Variants in CLIP1 observed in about 807,000 individuals in gnomAD.
The protein encoded by CLIP1 is CAP-Gly domain-containing linker protein 1.
In CLIP1, 66 loss-of-function variants were observed where a neutral mutation model predicts 161.6. That is an observed-to-expected ratio of 0.41 (90% CI 0.33 to 0.50). The LOEUF (loss-of-function observed/expected upper bound fraction) is 0.50, where lower values mean the gene tolerates loss of function less well. Ranked by LOEUF, CLIP1 falls within the 20% of genes least tolerant of loss-of-function variation. CLIP1 has a pLI of 0.27. For missense variants in CLIP1, 1,376 were observed against 1,702.0 expected (o/e 0.81, Z 3.37); for synonymous variants, 598 against 626.2 (o/e 0.96, Z 0.67).
chr12:122,393,722 G>A (rs1488824455), intron 1 of CLIP1, among the ~76,000 whole-genome samples: 2 of 151,778 alleles, frequency 1.3e-5, no homozygotes, highest in African/African-American at 4.8e-5. Context: ...GACCAGCCTG[G>A]ACAACAAGGT....
intron 25 of CLIP1, 134 bp downstream of exon 25, chr12:122,273,903 TG>T: frequency 1.5e-6 from 1 of 667,708 alleles, no homozygotes; most frequent in Non-Finnish European, 2.5e-6. Context: ...GGCTAACTTT[TG>T]TATTTTTAGT....
At chr12:122,305,808 C>T (rs1175560170) in intron 20 of CLIP1, among the ~76,000 whole-genome samples, 1 of 152,042 alleles carries the variant, frequency 6.6e-6, no homozygotes, top group Non-Finnish European at 1.5e-5. Flanking sequence ...TGGCTCATGC[C>T]TGTAATCCCA....
chr12:122,414,121 T>C (rs1956642062), intron 1 of CLIP1, among the ~76,000 whole-genome samples: 1 of 152,058 alleles, frequency 6.6e-6, no homozygotes, highest in South Asian at 2.1e-4. Context: ...TGTACTTTGG[T>C]TTTGGGGGTT....
intron 15 of CLIP1, among the ~76,000 whole-genome samples, chr12:122,330,585 A>G (rs1264182540): frequency 1.4e-5 from 2 of 138,528 alleles, no homozygotes; most frequent in Non-Finnish European, 3.0e-5. Context: ...AGCACTGAAG[A>G]AGTATAATGC....
rs1244330778 is a variant in CLIP1 at position 122,361,037 on chromosome 12, G to A, written c.927C>T (p.Arg309=). The A allele has an allele frequency of 6.2e-7, 1 of 1,614,242 alleles. No individual in the cohort carries two copies. Among genetic ancestry groups the A allele is most frequent in the Non-Finnish European group, 8.5e-7 (1 of 1,180,042 alleles). ...AGCTGAGGGAAGAGGCAGAAGGGCT[G>A]CGCTTCAGGCTGGCGGACGTGGTCG... The part of the protein sequence containing the change: ...VMATTSASLK[R]SPSASSLSSM... Residue 309 remains arginine, a synonymous_variant, in exon 5 of 26, where the codon CGC becomes CGT. Transcript: ENST00000620786.
chr12:122,302,263 G>A (rs1950711586), intron 20 of CLIP1, among the ~76,000 whole-genome samples: 1 of 151,996 alleles, frequency 6.6e-6, no homozygotes, highest in Non-Finnish European at 1.5e-5. Context: ...ACCATGCCTG[G>A]CTATTTTTTT....
chr12:122,319,896 G>A (rs1167909322), intron 17 of CLIP1, among the ~76,000 whole-genome samples: 1 of 152,092 alleles, frequency 6.6e-6, no homozygotes, highest in African/African-American at 2.4e-5. Flanking sequence ...GCAAGTTGTG[G>A]GTAATGAATA....
At chr12:122,335,746 G>T (rs1283438563) in intron 12 of CLIP1, among the ~76,000 whole-genome samples, 1 of 151,822 alleles carries the variant, frequency 6.6e-6, no homozygotes, top group Non-Finnish European at 1.5e-5. Flanking sequence ...GGCAGAGGCT[G>T]CAGTGAGCCG....
intron 20 of CLIP1, among the ~76,000 whole-genome samples, chr12:122,296,880 A>C (rs1950491155): frequency 1.3e-5 from 2 of 151,878 alleles, no homozygotes; most frequent in South Asian, 2.1e-4. Context: ...AAAAAAAAAA[A>C]AAACATGCAG....
intron 25 of CLIP1, 107 bp downstream of exon 25, chr12:122,273,931 C>T (rs1056846692): frequency 4.8e-6 from 4 of 840,600 alleles, no homozygotes; most frequent in South Asian, 1.6e-5. Flanking sequence ...GAGGTTTCAT[C>T]GTGTTGGCCA....
At chr12:122,296,765 G>T (rs1028875176) in intron 20 of CLIP1, among the ~76,000 whole-genome samples, 4 of 151,158 alleles carry the variant, frequency 2.6e-5, no homozygotes, top group African/African-American at 9.7e-5. Flanking sequence ...TCAGGAAGCT[G>T]AGGCAGGAGG....
chr12:122,313,311 A>G (rs1277899781), intron 19 of CLIP1, among the ~76,000 whole-genome samples: 1 of 152,146 alleles, frequency 6.6e-6, no homozygotes, highest in African/African-American at 2.4e-5. Flanking sequence ...AGGTCTGGGG[A>G]GTACAGCACC....
intron 1 of CLIP1, among the ~76,000 whole-genome samples, chr12:122,395,189 G>A (rs754179138): frequency 6.6e-6 from 1 of 152,118 alleles, no homozygotes; most frequent in Non-Finnish European, 1.5e-5. Flanking sequence ...GACTAATCAC[G>A]TACACACAGT....
intron 19 of CLIP1, among the ~76,000 whole-genome samples, chr12:122,314,000 T>C (rs1243423633): frequency 6.6e-6 from 1 of 151,014 alleles, no homozygotes; most frequent in East Asian, 1.9e-4. Context: ...CTACTAAAAA[T>C]ACAAAAAAAT....
At chr12:122,422,760 C>G (rs1467206863), upstream of CLIP1, 1 of 120,732 alleles carries the variant, frequency 8.3e-6, no homozygotes, top group Non-Finnish European at 1.9e-5. Context: ...GAGTCCGCAC[C>G]GGCCCTGCGG....
At chr12:122,372,799 A>C (rs972853532) in intron 3 of CLIP1, among the ~76,000 whole-genome samples, 11 of 152,092 alleles carry the variant, frequency 7.2e-5, no homozygotes, top group African/African-American at 2.7e-4. Flanking sequence ...TAACTACTCC[A>C]TCAGCAATCT....
At chr12:122,384,256 T>C (rs921837230) in intron 1 of CLIP1, among the ~76,000 whole-genome samples, 6 of 152,152 alleles carry the variant, frequency 3.9e-5, no homozygotes, top group African/African-American at 1.4e-4. Context: ...ACTTAGGAGA[T>C]AGCACTCATC....
intron 1 of CLIP1, among the ~76,000 whole-genome samples, chr12:122,403,523 CTGTT>C (rs1224660131): frequency 4.3e-4 from 19 of 44,530 alleles, no homozygotes; most frequent in Admixed American, 3.6e-3. Context: ...TTTTTTTGGT[CTGTT>C]TGTTTTTTTG....
At chr12:122,338,522 C>A (rs981789783) in intron 11 of CLIP1, among the ~76,000 whole-genome samples, 2 of 151,770 alleles carry the variant, frequency 1.3e-5, no homozygotes, top group African/African-American at 2.4e-5. Flanking sequence ...TTCGAGACCA[C>A]CCTGGCCAAC....
Sources: allele counts gnomAD v4.1 joint callset (sites outside exome capture counted in the v4.1 genomes callset), GRCh38; gene constraint gnomAD v4.1.1; transcripts MANE v1.5; gene names NCBI Gene and HGNC (gene_info 2026-07-23, HGNC 2026-07-21).